Variants in MSTN observed in about 807,000 individuals in gnomAD.
The protein encoded by MSTN is myostatin, also known as growth/differentiation factor 8.
MSTN carries 12 observed loss-of-function variants against 32.3 expected under a neutral mutation model. The ratio of observed to expected loss-of-function variants is 0.37; its 90% CI spans 0.24 to 0.60. The LOEUF (loss-of-function observed/expected upper bound fraction) is 0.60, where lower values mean the gene tolerates loss of function less well. Among genes scored for constraint, MSTN ranks in the 20% least tolerant of loss-of-function variants. The probability of loss-of-function intolerance (pLI) is 0.67; values close to 1 mark genes in which losing one functional copy is unlikely to be tolerated. For synonymous variants in MSTN, 168 were observed against 155.1 expected (o/e 1.08, Z -0.62); for missense variants, 403 against 450.3 (o/e 0.89, Z 0.95).
chr2:190,060,135 A>G lies in MSTN; in HGVS notation c.674T>C (p.Ile225Thr), dbSNP rs143242500. 2.2e-3 allele frequency: 3,543 copies of G among 1,612,950 alleles called. 8 individuals carry two copies. The highest frequency in any genetic ancestry group is 2.3e-3 in the Non-Finnish European group (2,686 of 1,179,190). ...WLKQPESNLG[I>T]EIKALDENGH... is the part of the protein sequence containing the mutation. The stretch of plus-strand genomic sequence containing the variant: ...ATTCTCATCTAAAGCTTTTATTTCA[A>G]TGCCTAAGTTGGATTCAGGTTGTTT... The change falls in exon 2 of 3, where the codon ATT becomes ACT. Residue 225 changes from isoleucine (I) to threonine (T), a missense_variant. Physicochemically the swap from Ile to Thr is moderately conservative, Grantham distance 89. Transcript: ENST00000260950.
chr2:190,060,681 G>A (rs1451144422), intron 1 of MSTN, among the ~76,000 whole-genome samples: 1 of 151,980 alleles, frequency 6.6e-6, no homozygotes, highest in Admixed American at 6.6e-5. Context: ...CCCTTCCAGA[G>A]AACTATGGAC....
At chr2:190,058,681 A>T (rs1368286489) in intron 2 of MSTN, among the ~76,000 whole-genome samples, 1 of 152,020 alleles carries the variant, frequency 6.6e-6, no homozygotes. Context: ...ACCATAAAAA[A>T]GAGTAAAGGA....
intron 2 of MSTN, among the ~76,000 whole-genome samples, chr2:190,059,665 G>T (rs1032874557): frequency 1.3e-5 from 2 of 151,776 alleles, no homozygotes; most frequent in Non-Finnish European, 2.9e-5. Flanking sequence ...AACACATTTG[G>T]CACCCTTCTG....
At chr2:190,059,565 C>T (rs1685535498) in intron 2 of MSTN, among the ~76,000 whole-genome samples, 2 of 151,638 alleles carry the variant, frequency 1.3e-5, no homozygotes, top group Non-Finnish European at 2.9e-5. Flanking sequence ...AAAGTATAAG[C>T]CTATAAATAT....
In MSTN at chr2:190,057,477, T is replaced by A; in HGVS notation, c.909A>T (p.Arg303Ser). 6.2e-7 allele frequency: 1 copy of A among 1,613,542 alleles called. No homozygotes were observed. Among genetic ancestry groups the A allele is most frequent in the Non-Finnish European group, 8.5e-7 (1 of 1,179,588 alleles). ...CTCCAGAGCAGTAATTGGCCTTATA[T>A]CTTTTAGGAGCGATAATCCAATCCC... ...FGWDWIIAPK[R>S]YKANYCSGEC... is the part of the protein sequence containing the mutation. Residue 303 changes from arginine (R) to serine (S), a missense_variant, in exon 3 of 3, where the codon AGA becomes AGT. Coordinates refer to ENST00000260950, the MANE Select transcript of MSTN (RefSeq NM_005259.3).
At chr2:190,058,817 G>A (rs929331428) in intron 2 of MSTN, among the ~76,000 whole-genome samples, 85 of 151,878 alleles carry the variant, frequency 5.6e-4, no homozygotes, top group African/African-American at 2.0e-3. Flanking sequence ...ATACAGAGTA[G>A]TATAAGGTAC....
intron 1 of MSTN, 21 bp downstream of exon 1, chr2:190,062,203 T>C (rs1559410432): frequency 2.5e-6 from 4 of 1,611,990 alleles, no homozygotes; most frequent in Non-Finnish European, 2.5e-6. Flanking sequence ...ACTGTTGATA[T>C]ACACTAATAG....
rs1685559423 is a variant in MSTN, at chr2:190,060,361, T to C, written c.448A>G (p.Lys150Glu). 1 of 1,612,012 alleles carries C rather than the reference T, an allele frequency of 6.2e-7. No individual in the cohort carries two copies. The highest frequency in any genetic ancestry group is 8.5e-7 in the Non-Finnish European group (1 of 1,178,858). ...FKFSSKIQYN[K>E]VVKAQLWIYL... The stretch of plus-strand genomic sequence containing the variant: ...ATCCATAGTTGGGCCTTTACTACTT[T>C]ATTGTATTGTATTTTAGAGCTAAAT... Residue 150 changes from lysine (K) to glutamate (E), a missense_variant, in exon 2 of 3, where the codon AAA becomes GAA. Physicochemically the swap from Lys to Glu is moderately conservative, Grantham distance 56 (BLOSUM62 1). Coordinates refer to ENST00000260950, the MANE Select transcript of MSTN (RefSeq NM_005259.3).
chr2:190,062,191 G>A, intron 1 of MSTN, 33 bp downstream of exon 1: 1 of 1,606,082 alleles, frequency 6.2e-7, no homozygotes, highest in Non-Finnish European at 8.5e-7. Flanking sequence ...ACAGTCAGCA[G>A]AACTGTTGAT....
Position 190,062,359 on chromosome 2 carries a change from G to C in MSTN, c.238C>G (p.Leu80Val), listed in dbSNP as rs769867063. The change falls in exon 1 of 3, where the codon CTT (leucine) becomes GTT (valine). Residue 80 changes from leucine (L) to valine (V), a missense_variant. Transcript: ENST00000260950. Reference protein sequence around the residue: ...PNISKDVIRQLLPKAPPLREL... With the variant: ...PNISKDVIRQVLPKAPPLREL... ...CGGAGTGGAGGAGCTTTGGGTAAAA[G>C]TTGTCTTATAACATCTTTGCTGATG... is the stretch of plus-strand genomic sequence containing the variant. 19 of 1,613,278 alleles carry C rather than the reference G, an allele frequency of 1.2e-5. No individual in the cohort carries two copies. The highest frequency in any genetic ancestry group is 2.2e-5 in the East Asian group (1 of 44,880).
Position 190,057,148 on chromosome 2 carries a change from CTG to C in MSTN, c.*108_*109del. On this transcript the variant is annotated 3_prime_UTR_variant, in exon 3 of 3. Transcript: ENST00000260950. ...CATACTGTAGCTTATGCTTAAGTGACTGTAGCATACTCTAGGCCTATAGCCTG... is the reference window on the plus strand; with the variant it reads ...CATACTGTAGCTTATGCTTAAGTGACTAGCATACTCTAGGCCTATAGCCTG... 8.6e-7 allele frequency: 1 copy of C among 1,159,814 alleles called. No homozygotes were observed. The highest frequency in any genetic ancestry group is 2.4e-5 in the East Asian group (1 of 41,108). 71.8% of individuals were successfully genotyped at this position (1,159,814 alleles called of 1,614,324 possible). A position where few individuals can be genotyped will look rare whatever the true frequency, so the allele number is the denominator to read the frequency against.
chr2:190,057,419 G>A lies in MSTN; in HGVS notation c.967C>T (p.His323Tyr). ...TTTGCTTGGTGTACCAGATGAGTAT[G>A]AGGATATTTTTGTAAAAATACAAAT... ...CEFVFLQKYP[H>Y]THLVHQANPR... The change falls in exon 3 of 3, where the codon CAT becomes TAT. Residue 323 changes from histidine (H) to tyrosine (Y), a missense_variant. By Grantham distance (83) the His-to-Tyr change is moderately conservative. Transcript: ENST00000260950. 6.2e-7 allele frequency: 1 copy of A among 1,613,562 alleles called. No individual in the cohort carries two copies. The highest frequency in any genetic ancestry group is 8.5e-7 in the Non-Finnish European group (1 of 1,179,618).
rs1224264093 is a variant in MSTN at position 190,060,248 on chromosome 2, A to G, written c.561T>C (p.Thr187=). 2 of 1,613,074 alleles carry G rather than the reference A, an allele frequency of 1.2e-6. No homozygotes were observed. The highest frequency in any genetic ancestry group is 1.7e-6 in the Non-Finnish European group (2 of 1,179,318). The part of the protein sequence containing the change: ...IKPMKDGTRY[T]GIRSLKLDMN... ...TGTCAAGTTTCAGAGATCGGATTCCAGTATACCTTGTACCGTCTTTCATAG... is the reference window on the plus strand; with the variant it reads ...TGTCAAGTTTCAGAGATCGGATTCCGGTATACCTTGTACCGTCTTTCATAG... The change falls in exon 2 of 3, where the codon ACT becomes ACC. Residue 187 remains threonine (T), a synonymous_variant. Transcript: ENST00000260950.
At position 190,057,488 on chromosome 2, in the gene MSTN, C is replaced by T; in HGVS notation, c.898G>A (p.Ala300Thr). 4 of 1,613,400 alleles carry T rather than the reference C, an allele frequency of 2.5e-6. No homozygotes were observed. Among genetic ancestry groups the T allele is most frequent in the Admixed American group, 1.7e-5 (1 of 59,966 alleles). Residue 300 changes from alanine (A) to threonine (T), a missense_variant, in exon 3 of 3, where the codon GCT becomes ACT. Physicochemically the swap from Ala to Thr is moderately conservative, Grantham distance 58 (BLOSUM62 0). Coordinates refer to ENST00000260950, the MANE Select transcript of MSTN (RefSeq NM_005259.3). ...FEAFGWDWIIAPKRYKANYCS... is the reference protein window; with the variant it reads ...FEAFGWDWIITPKRYKANYCS... Reference sequence around the variant, plus strand: ...TAATTGGCCTTATATCTTTTAGGAGCGATAATCCAATCCCATCCAAAAGCT... The same window carrying T: ...TAATTGGCCTTATATCTTTTAGGAGTGATAATCCAATCCCATCCAAAAGCT...
chr2:190,061,229 CTGTT>C (rs553275157), intron 1 of MSTN, among the ~76,000 whole-genome samples: 1 of 151,964 alleles, frequency 6.6e-6, no homozygotes, highest in Non-Finnish European at 1.5e-5. Context: ...TATTTTAAAA[CTGTT>C]TGGAGTCTTG....
intron 2 of MSTN, among the ~76,000 whole-genome samples, chr2:190,058,009 A>C (rs1212685959): frequency 6.6e-6 from 1 of 152,006 alleles, no homozygotes; most frequent in African/African-American, 2.4e-5. Flanking sequence ...TGAAGGAAAG[A>C]GCTAACAGCT....
At chr2:190,060,523 TTAAGA>T in intron 1 of MSTN, 88 bp from the exon 2 acceptor site, 2 of 1,207,038 alleles carry the variant, frequency 1.7e-6, no homozygotes, top group Non-Finnish European at 2.3e-6. Context: ...TTTTTTTAAA[TTAAGA>T]TAATGTATGC....
rs915136891 is a variant in MSTN, at chr2:190,056,511, A to G, written c.*747T>C. 2.0e-5 allele frequency: 3 copies of G among 152,564 alleles called. No individual in the cohort carries two copies. Among genetic ancestry groups the G allele is most frequent in the Non-Finnish European group, 2.9e-5 (2 of 68,016 alleles). The allele number at this position is 152,564 out of a possible 1,614,324, so 9.5% of individuals were successfully genotyped here. A position where few individuals can be genotyped will look rare whatever the true frequency, so the allele number is the denominator to read the frequency against. ...CTTTTAAGATAATGCAGTTTCTCCA[A>G]GTATGCTACAGAATTGAAAGCCAAC... On this transcript the variant is annotated 3_prime_UTR_variant, in exon 3 of 3. Coordinates refer to ENST00000260950, the MANE Select transcript of MSTN (RefSeq NM_005259.3).
Position 190,062,255 on chromosome 2 carries a change from T to C in MSTN, c.342A>G (p.Thr114=). The C allele has an allele frequency of 6.2e-7, 1 of 1,613,110 alleles. No individual in the cohort carries two copies. The highest frequency in any genetic ancestry group is 8.5e-7 in the Non-Finnish European group (1 of 1,179,270). ...TAGGCATGGTAATGATTGTTTCCGT[T>C]GTAGCGTGATAATCGTCATCTTCCA... The part of the protein sequence containing the change: ...GSLEDDDYHA[T]TETIITMPTE... The change falls in exon 1 of 3, where the codon ACA becomes ACG. Residue 114 remains threonine (T), a synonymous_variant. Coordinates refer to ENST00000260950, the MANE Select transcript of MSTN (RefSeq NM_005259.3).
Sources: gnomAD v4.1 joint callset for allele counts (sites outside exome capture counted in the v4.1 genomes callset) on GRCh38, gnomAD v4.1.1 for gene constraint, MANE v1.5 for transcripts, NCBI Gene and HGNC (gene_info 2026-07-23, HGNC 2026-07-21) for gene names.